Variants in CLEC16A observed in about 807,000 individuals in gnomAD.
CLEC16A encodes the protein C-type lectin domain containing 16A.
A neutral mutation model predicts 109.5 loss-of-function variants in CLEC16A; 51 were observed. The ratio of observed to expected loss-of-function variants is 0.47; its 90% CI spans 0.37 to 0.59. The LOEUF is 0.59. CLEC16A is among the 20% of genes least tolerant of loss of function. The probability of loss-of-function intolerance (pLI) is 0.00; values close to 1 mark genes in which losing one functional copy is unlikely to be tolerated. For synonymous variants in CLEC16A, 673 were observed against 564.2 expected (o/e 1.19, Z -2.73); for missense variants, 1,339 against 1,394.0 (o/e 0.96, Z 0.63).
At chr16:11,011,348 C>G (rs1284118123) in intron 11 of CLEC16A, among the ~76,000 whole-genome samples, 2 of 152,096 alleles carry the variant, frequency 1.3e-5, no homozygotes, top group Non-Finnish European at 2.9e-5. Context: ...ATTTATTTAT[C>G]TCTTATTGGT....
chr16:11,159,981 G>A (rs2054664284), intron 22 of CLEC16A, among the ~76,000 whole-genome samples: 1 of 152,188 alleles, frequency 6.6e-6, no homozygotes, highest in African/African-American at 2.4e-5. Context: ...GCAGGGCGAG[G>A]TTAGTGCTTT....
chr16:11,158,983 G>A (rs970017160), intron 22 of CLEC16A, among the ~76,000 whole-genome samples: 1 of 151,776 alleles, frequency 6.6e-6, no homozygotes, highest in African/African-American at 2.4e-5. Flanking sequence ...TCACAAGATA[G>A]ATGGCCTGGC....
At chr16:11,120,815 C>G (rs2052351192) in intron 20 of CLEC16A, 49 bp downstream of exon 20, 1 of 850,308 alleles carries the variant, frequency 1.2e-6, no homozygotes, top group African/African-American at 1.9e-5. Flanking sequence ...GCTACAAACA[C>G]ACACACACAC....
At chr16:10,979,456 C>T in intron 9 of CLEC16A, 74 bp downstream of exon 9, 3 of 1,353,560 alleles carry the variant, frequency 2.2e-6, no homozygotes, top group Non-Finnish European at 3.1e-6. Context: ...GAAGAAAATC[C>T]CCAGGCCTTA....
At chr16:11,169,555 G>A (rs560360566) in intron 23 of CLEC16A, among the ~76,000 whole-genome samples, 1 of 152,326 alleles carries the variant, frequency 6.6e-6, no homozygotes, top group South Asian at 2.1e-4. Flanking sequence ...CCAAAGTGCT[G>A]GCATTACAGG....
chr16:11,113,405 A>G, intron 19 of CLEC16A, among the ~76,000 whole-genome samples: 1 of 152,186 alleles, frequency 6.6e-6, no homozygotes, highest in East Asian at 1.9e-4. Context: ...TCGGCCTGTA[A>G]TTCCAGCACT....
chr16:11,094,436 T>C (rs899936430), intron 19 of CLEC16A, among the ~76,000 whole-genome samples: 1 of 152,154 alleles, frequency 6.6e-6, no homozygotes, highest in Non-Finnish European at 1.5e-5. Context: ...GAGGCAGAAG[T>C]GCTCTTGTGG....
chr16:11,028,899 TAC>T (rs1386889802), intron 13 of CLEC16A, among the ~76,000 whole-genome samples: 8 of 152,372 alleles, frequency 5.3e-5, no homozygotes, highest in East Asian at 3.9e-4. Context: ...CTTAAAATTT[TAC>T]ACAGTTTCCC....
At position 11,174,599 on chromosome 16, in the gene CLEC16A, C is replaced by CG. The variant is rs1228025621; in HGVS notation, c.2807-3733dup. ...ATGTGCACCAGTGTCAGGCTCGGCC[C>CG]GGGCCAGAAGCAGATGCTCCTGCCA... On this transcript the variant is annotated intron_variant, in intron 23 of 23. Coordinates refer to ENST00000409790, the MANE Select transcript of CLEC16A (RefSeq NM_015226.3). This position sits in a 1 kb window ranked among gnomAD's most constrained non-coding sequence, Gnocchi z 4.7. Among the ~76,000 whole-genome samples the CG allele has an allele frequency of 6.6e-6, 1 of 152,262 alleles. No homozygotes were observed. The highest frequency in any genetic ancestry group is 6.5e-5 in the Admixed American group (1 of 15,288).
chr16:11,087,688 T>C (rs897358625), intron 19 of CLEC16A, among the ~76,000 whole-genome samples: 1 of 152,236 alleles, frequency 6.6e-6, no homozygotes, highest in East Asian at 1.9e-4. Flanking sequence ...GAATCAGATA[T>C]GAATTATTTC....
chr16:11,167,907 C>A (rs182544108), intron 23 of CLEC16A, among the ~76,000 whole-genome samples: 6 of 152,332 alleles, frequency 3.9e-5, no homozygotes, highest in African/African-American at 1.4e-4. Flanking sequence ...CAGTAGCCCT[C>A]TTGATCCCGT....
At chr16:11,027,394 C>A (rs1249046138) in intron 13 of CLEC16A, 12 of 1,406,918 alleles carry the variant, frequency 8.5e-6, no homozygotes, top group Admixed American at 5.0e-5. Flanking sequence ...GTAAAAGTCA[C>A]CCCCCAGAAT....
intron 19 of CLEC16A, among the ~76,000 whole-genome samples, chr16:11,065,378 C>T (rs558369789): frequency 8.5e-4 from 129 of 152,360 alleles, no homozygotes; most frequent in African/African-American, 3.0e-3. Flanking sequence ...GCAGCCATAG[C>T]ATGTGCTACA....
At chr16:11,068,122 C>G (rs575714987) in intron 19 of CLEC16A, among the ~76,000 whole-genome samples, 1 of 152,270 alleles carries the variant, frequency 6.6e-6, no homozygotes, top group South Asian at 2.1e-4. Context: ...CTCAGCCATG[C>G]TTCTTCCTAG....
chr16:11,157,049 C>G, intron 22 of CLEC16A: 7 of 1,301,112 alleles, frequency 5.4e-6, no homozygotes, highest in Non-Finnish European at 7.1e-6. Flanking sequence ...AAGCAAGATA[C>G]TGAAAGACCA....
chr16:11,132,757 G>A (rs1168586229), intron 22 of CLEC16A, among the ~76,000 whole-genome samples: 1 of 152,182 alleles, frequency 6.6e-6, no homozygotes, highest in African/African-American at 2.4e-5. Context: ...CAGGGTTGTG[G>A]GGAACCTCGT....
At chr16:10,973,499 A>G (rs533867265) in intron 7 of CLEC16A, among the ~76,000 whole-genome samples, 2 of 152,326 alleles carry the variant, frequency 1.3e-5, no homozygotes, top group African/African-American at 4.8e-5. Context: ...AGGGGCAGAA[A>G]GTAGATTCGT....
chr16:11,133,172 C>G (rs932992358), intron 22 of CLEC16A, among the ~76,000 whole-genome samples: 1 of 152,112 alleles, frequency 6.6e-6, no homozygotes, highest in South Asian at 2.1e-4. Context: ...AACCTCGTCT[C>G]TACTAAAAGT....
intron 11 of CLEC16A, among the ~76,000 whole-genome samples, chr16:11,012,139 A>T (rs1037867976): frequency 2.0e-4 from 31 of 152,332 alleles, no homozygotes; most frequent in Admixed American, 2.0e-3. Context: ...AAGGGAAATT[A>T]TGTATAAAGA....
Sources: allele counts gnomAD v4.1 joint callset (sites outside exome capture counted in the v4.1 genomes callset), GRCh38; gene constraint gnomAD v4.1.1; non-coding constraint Gnocchi (gnomAD v3.1); transcripts MANE v1.5; gene names NCBI Gene and HGNC (gene_info 2026-07-23, HGNC 2026-07-21).